Variants in MOB1B observed in about 807,000 individuals in gnomAD.
The protein encoded by MOB1B is MOB kinase activator 1B.
MOB1B carries 19 observed loss-of-function variants against 24.4 expected under a neutral mutation model. That is an observed-to-expected ratio of 0.78 (90% CI 0.54 to 1.14). The LOEUF is 1.14. MOB1B is among the 50% of genes most tolerant of loss of function. The pLI, the probability that MOB1B is intolerant of heterozygous loss-of-function variation, is 0.00. For synonymous variants in MOB1B, 76 were observed against 82.1 expected, an observed-to-expected ratio of 0.93 and a Z score of 0.40; for missense variants, 243 against 259.6, an observed-to-expected ratio of 0.94 and a Z score of 0.44.
intron 1 of MOB1B, among the ~76,000 whole-genome samples, chr4:70,941,592 C>T (rs554571003): frequency 1.1e-3 from 161 of 152,228 alleles, no homozygotes; most frequent in African/African-American, 3.7e-3. Flanking sequence ...CCGCCCGTCT[C>T]GGCCTCCCAA....
intron 2 of MOB1B, among the ~76,000 whole-genome samples, chr4:70,966,645 AT>A (rs1279636218): frequency 6.6e-6 from 1 of 152,054 alleles, no homozygotes. Flanking sequence ...AAGTGCTGGG[AT>A]TACAGGCATG....
chr4:70,961,275 C>G (rs1187651212), intron 2 of MOB1B, among the ~76,000 whole-genome samples: 3 of 152,022 alleles, frequency 2.0e-5, no homozygotes, highest in African/African-American at 4.8e-5. Context: ...TTTTGTAATC[C>G]TTCACTCTGA....
At chr4:70,962,959 G>A (rs779832117) in intron 2 of MOB1B, among the ~76,000 whole-genome samples, 4 of 152,088 alleles carry the variant, frequency 2.6e-5, no homozygotes, top group Non-Finnish European at 4.4e-5. Flanking sequence ...AGACAAGATC[G>A]TGGCACTGCA....
intron 1 of MOB1B, among the ~76,000 whole-genome samples, chr4:70,934,157 T>G (rs1736990854): frequency 6.6e-6 from 1 of 152,184 alleles, no homozygotes; most frequent in Non-Finnish European, 1.5e-5. Flanking sequence ...CGATCTCTGC[T>G]CACTACAACC....
chr4:70,973,936 T>G (rs545291016), intron 3 of MOB1B, among the ~76,000 whole-genome samples: 1 of 152,158 alleles, frequency 6.6e-6, no homozygotes, highest in Non-Finnish European at 1.5e-5. Context: ...TTTTCTGTTA[T>G]ATATTGTCAT....
intron 1 of MOB1B, among the ~76,000 whole-genome samples, chr4:70,952,874 G>C (rs1435184872): frequency 6.7e-6 from 1 of 148,838 alleles, no homozygotes; most frequent in African/African-American, 2.5e-5. Flanking sequence ...GAGGACTTCT[G>C]TGTACATGCT....
At chr4:70,947,446 T>A (rs1231455909) in intron 1 of MOB1B, among the ~76,000 whole-genome samples, 1 of 151,666 alleles carries the variant, frequency 6.6e-6, no homozygotes, top group African/African-American at 2.4e-5. Flanking sequence ...CTAGGTTTTT[T>A]TCCCCCCCGC....
intron 1 of MOB1B, among the ~76,000 whole-genome samples, chr4:70,957,632 G>C (rs566946238): frequency 1.3e-5 from 2 of 151,942 alleles, no homozygotes; most frequent in East Asian, 3.9e-4. Context: ...TAGAGATGGA[G>C]GGAGTCTCAT....
chr4:70,916,682 C>T (rs1490724574), intron 1 of MOB1B, among the ~76,000 whole-genome samples: 1 of 152,200 alleles, frequency 6.6e-6, no homozygotes, highest in East Asian at 1.9e-4. Flanking sequence ...ATTCTCCTCC[C>T]TCAGCCTCCC....
At chr4:70,967,169 T>C (rs1350218792) in intron 2 of MOB1B, among the ~76,000 whole-genome samples, 2 of 151,202 alleles carry the variant, frequency 1.3e-5, no homozygotes, top group Non-Finnish European at 2.9e-5. Flanking sequence ...AGTCTCGCTC[T>C]GTCACCCAGG....
intron 1 of MOB1B, among the ~76,000 whole-genome samples, chr4:70,919,172 C>G (rs1414606423): frequency 1.4e-5 from 2 of 145,780 alleles, no homozygotes; most frequent in Non-Finnish European, 3.0e-5. Flanking sequence ...GTGGGGGGAG[C>G]GGGGAGGGAT....
chr4:70,930,190 C>A lies in MOB1B; in HGVS notation c.14+27640C>A, dbSNP rs563544039. 3.9e-5 allele frequency among the ~76,000 whole-genome samples: 6 copies of A among 152,166 alleles called. No homozygotes were observed. The South Asian group carries it at 1.2e-3, about 32-fold the overall frequency. On this transcript the variant is annotated intron_variant, in intron 1 of 5. Coordinates refer to ENST00000309395, the MANE Select transcript of MOB1B (RefSeq NM_173468.4). ...ATTTCACAAACTGAGATATTTAACT[C>A]AGTGTATATCTTGTTTCTTAGTTTT...
rs542191679 is a variant in MOB1B at position 70,984,131 on chromosome 4, G to A, written c.*2074G>A. 6.6e-6 allele frequency: 1 copy of A among 152,614 alleles called. No individual in the cohort carries two copies. The highest frequency in any genetic ancestry group is 2.1e-4 in the South Asian group (1 of 4,824). The allele number at this position is 152,614 out of a possible 1,614,324, so 9.5% of individuals were successfully genotyped here. A position where few individuals can be genotyped will look rare whatever the true frequency, so the allele number is the denominator to read the frequency against. On this transcript the variant is annotated 3_prime_UTR_variant, in exon 6 of 6. Transcript: ENST00000309395. ...TTCAAGCCTTATACAGTAGTACACT[G>A]TACTTGTTTTTAGTAGTAAGACCTA...
intron 1 of MOB1B, among the ~76,000 whole-genome samples, chr4:70,947,126 G>A (rs1194695952): frequency 6.6e-6 from 1 of 152,118 alleles, no homozygotes; most frequent in Non-Finnish European, 1.5e-5. Context: ...AACTGGCCGT[G>A]AAATATCAGA....
At position 70,983,543 on chromosome 4, in the gene MOB1B, G is replaced by A. The variant is rs904629168; in HGVS notation, c.*1486G>A. The stretch of plus-strand genomic sequence containing the variant: ...ATCCAGTTTTAGTTTTGTCATTTTC[G>A]ATAAATCTTTCTTCAGTTAGAAATA... On this transcript the variant is annotated 3_prime_UTR_variant, in exon 6 of 6. Transcript: ENST00000309395. The A allele has an allele frequency of 7.2e-5, 11 of 152,130 alleles. No homozygotes were observed. Among genetic ancestry groups the A allele is most frequent in the Admixed American group, 1.3e-4 (2 of 15,242 alleles). 9.4% of individuals were successfully genotyped at this position (152,130 alleles called of 1,614,324 possible).
intron 4 of MOB1B, among the ~76,000 whole-genome samples, chr4:70,978,260 T>A (rs1739077983): frequency 6.6e-6 from 1 of 152,196 alleles, no homozygotes; most frequent in South Asian, 2.1e-4. Context: ...AATTGCAAGA[T>A]CTCTTTTTGT....
chr4:70,971,212 T>C (rs1026223723), intron 3 of MOB1B, among the ~76,000 whole-genome samples: 2 of 152,092 alleles, frequency 1.3e-5, no homozygotes, highest in Non-Finnish European at 2.9e-5. Context: ...TAAAAAATAA[T>C]GTGGTTTAGG....
chr4:70,914,326 T>C (rs1220779717), intron 1 of MOB1B, among the ~76,000 whole-genome samples: 2 of 152,210 alleles, frequency 1.3e-5, no homozygotes, highest in Non-Finnish European at 2.9e-5. Context: ...CCCATGTTCT[T>C]CAGTGAGTTG....
chr4:70,958,781 G>A, intron 1 of MOB1B, 93 bp from the exon 2 acceptor site: 1 of 1,125,252 alleles, frequency 8.9e-7, no homozygotes, highest in South Asian at 1.3e-5. Flanking sequence ...TGGGATTTAA[G>A]CCAATACAGT....
Sources: gnomAD v4.1 joint callset for allele counts (sites outside exome capture counted in the v4.1 genomes callset) on GRCh38, gnomAD v4.1.1 for gene constraint, MANE v1.5 for transcripts, NCBI Gene and HGNC (gene_info 2026-07-23, HGNC 2026-07-21) for gene names.